TAMM41: variants seen among roughly 807,000 people sequenced by gnomAD.
The protein encoded by TAMM41 is TAM41 mitochondrial translocator assembly and maintenance homolog, also known as phosphatidate cytidylyltransferase, mitochondrial.
TAMM41 carries 36 observed loss-of-function variants against 44.1 expected under a neutral mutation model. The observed-to-expected ratio is 0.82, with a 90% CI of 0.63 to 1.08. The LOEUF (loss-of-function observed/expected upper bound fraction) is 1.08, where lower values mean the gene tolerates loss of function less well. Among genes scored for constraint, TAMM41 ranks in the 50% least tolerant of loss-of-function variants. The probability of loss-of-function intolerance (pLI) is 0.00; values close to 1 mark genes in which losing one functional copy is unlikely to be tolerated. For missense variants in TAMM41, 417 were observed against 404.3 expected (o/e 1.03, Z -0.27); for synonymous variants, 164 against 153.1 (o/e 1.07, Z -0.53).
chr3:11,733,583 C>G, the TAMM41 span, among the ~76,000 whole-genome samples: 6 of 151,808 alleles, frequency 4.0e-5, no homozygotes, highest in Non-Finnish European at 5.9e-5. Context: ...AACTCTGCCT[C>G]CCGGGTTCAT....
chr3:11,797,712 T>C (rs998496242), intron 7 of TAMM41, among the ~76,000 whole-genome samples: 4 of 151,926 alleles, frequency 2.6e-5, no homozygotes, highest in Admixed American at 6.6e-5. Flanking sequence ...ACAGACAACC[T>C]AGGAAATGGG....
intron 3 of TAMM41, among the ~76,000 whole-genome samples, chr3:11,830,456 C>T (rs766605976): frequency 1.3e-5 from 2 of 152,160 alleles, no homozygotes; most frequent in African/African-American, 2.4e-5. Flanking sequence ...AGAATCGTCA[C>T]AAAGATTGAC....
the TAMM41 span, among the ~76,000 whole-genome samples, chr3:11,770,179 T>C: frequency 6.6e-6 from 1 of 152,186 alleles, no homozygotes; most frequent in African/African-American, 2.4e-5. Flanking sequence ...CTGGCCTCTG[T>C]GGGGCTGCAC....
At chr3:11,833,716 C>T (rs945964696) in intron 3 of TAMM41, among the ~76,000 whole-genome samples, 5 of 152,124 alleles carry the variant, frequency 3.3e-5, no homozygotes, top group African/African-American at 7.2e-5. Flanking sequence ...CAAACGCTAG[C>T]GGCCCAAACA....
At chr3:11,776,649 C>T in the TAMM41 span, among the ~76,000 whole-genome samples, 6 of 152,248 alleles carry the variant, frequency 3.9e-5, no homozygotes, top group Non-Finnish European at 7.4e-5. Flanking sequence ...ATGACGCTCA[C>T]GAGAAGAAAA....
intron 5 of TAMM41, among the ~76,000 whole-genome samples, chr3:11,814,503 A>T (rs897000804): frequency 6.7e-6 from 1 of 148,898 alleles, no homozygotes; most frequent in African/African-American, 2.4e-5. Context: ...CGAAGAGACG[A>T]GAGAGAGAGA....
At chr3:11,832,442 A>G (rs1450830806) in intron 3 of TAMM41, among the ~76,000 whole-genome samples, 4 of 152,222 alleles carry the variant, frequency 2.6e-5, no homozygotes, top group African/African-American at 4.8e-5. Context: ...GAGGATGTGC[A>G]TAAGTTATAT....
the TAMM41 span, among the ~76,000 whole-genome samples, chr3:11,765,868 A>AT: frequency 6.6e-6 from 1 of 151,906 alleles, no homozygotes; most frequent in Admixed American, 6.6e-5. Flanking sequence ...CACCCGGCTA[A>AT]TTTTTCTATT....
the TAMM41 span, among the ~76,000 whole-genome samples, chr3:11,753,528 T>C: frequency 2.7e-5 from 4 of 150,858 alleles, no homozygotes; most frequent in South Asian, 8.4e-4. Context: ...ATTGAGACCA[T>C]CCTGGCTAAC....
In TAMM41 at chr3:11,844,141, T is replaced by C; in HGVS notation, c.206A>G (p.Asn69Ser). Residue 69 changes from asparagine to serine, a missense_variant, in exon 2 of 8, where the codon AAT becomes AGT. Asn to Ser is a conservative substitution (Grantham distance 46, BLOSUM62 1). Coordinates refer to ENST00000455809, the MANE Select transcript of TAMM41 (RefSeq NM_001284401.2). ...VAWHSKNLKK[N>S]WSHYSFLKVL... ...TTTTAGGAAAGAGTAGTGACTCCAA[T>C]TTTTCTTCAGGTTCTTTGAATGCCA... 6.2e-7 allele frequency: 1 copy of C among 1,614,240 alleles called. No homozygotes were observed.
At chr3:11,772,237 ATT>A in the TAMM41 span, among the ~76,000 whole-genome samples, 11 of 136,342 alleles carry the variant, frequency 8.1e-5, no homozygotes, top group Admixed American at 1.5e-4. Flanking sequence ...CAGCTGGCTA[ATT>A]TTTTTTTTTT....
intron 7 of TAMM41, among the ~76,000 whole-genome samples, chr3:11,792,150 T>C (rs2077494891): frequency 6.6e-6 from 1 of 151,552 alleles, no homozygotes; most frequent in Admixed American, 6.6e-5. Flanking sequence ...ATACATAAAG[T>C]AGAAGAGTGT....
At chr3:11,738,801 A>T in the TAMM41 span, among the ~76,000 whole-genome samples, 1 of 152,192 alleles carries the variant, frequency 6.6e-6, no homozygotes, top group Non-Finnish European at 1.5e-5. Flanking sequence ...GCAGATTCTC[A>T]GGCCTCGTCC....
intron 7 of TAMM41, among the ~76,000 whole-genome samples, chr3:11,805,064 C>T (rs1352427635): frequency 2.1e-5 from 3 of 141,600 alleles, no homozygotes; most frequent in East Asian, 2.1e-4. Flanking sequence ...GAGGCAGTGG[C>T]ACAATCTTGG....
At chr3:11,733,966 G>A in the TAMM41 span, among the ~76,000 whole-genome samples, 8 of 152,114 alleles carry the variant, frequency 5.3e-5, no homozygotes, top group East Asian at 1.9e-4. Flanking sequence ...TAGCCAGCAA[G>A]CAGATGGAGA....
intron 4 of TAMM41, among the ~76,000 whole-genome samples, chr3:11,829,080 G>A (rs911987579): frequency 6.6e-6 from 1 of 152,140 alleles, no homozygotes; most frequent in South Asian, 2.1e-4. Flanking sequence ...CCTCTCAGTT[G>A]TCTCAGTTTG....
the TAMM41 span, among the ~76,000 whole-genome samples, chr3:11,760,653 C>T: frequency 1.2e-4 from 18 of 152,100 alleles, no homozygotes; most frequent in East Asian, 2.2e-3. Context: ...CTCCACCTCC[C>T]GGGCTTAAGC....
chr3:11,825,693 G>C (rs2078719049), intron 4 of TAMM41, among the ~76,000 whole-genome samples: 1 of 152,174 alleles, frequency 6.6e-6, no homozygotes, highest in Non-Finnish European at 1.5e-5. Flanking sequence ...TCATAGGAGA[G>C]TGCCCGAAAG....
At chr3:11,815,703 G>A (rs1174371104) in intron 5 of TAMM41, among the ~76,000 whole-genome samples, 1 of 151,798 alleles carries the variant, frequency 6.6e-6, no homozygotes, top group Non-Finnish European at 1.5e-5. Context: ...ATTGGTATAA[G>A]AATTGATGGG....
Sources: gnomAD v4.1 joint callset for allele counts (sites outside exome capture counted in the v4.1 genomes callset) on GRCh38, gnomAD v4.1.1 for gene constraint, MANE v1.5 for transcripts, NCBI Gene and HGNC (gene_info 2026-07-23, HGNC 2026-07-21) for gene names.